The following CD96 variants were observed in gnomAD, a reference collection of about 807,000 sequenced individuals.
CD96 encodes the protein CD96 molecule, also known as T-cell surface protein tactile.
Under a neutral mutation model 71.3 loss-of-function variants are expected in CD96, and 70 were observed. That is an observed-to-expected ratio of 0.98 (90% CI 0.81 to 1.20). The LOEUF (loss-of-function observed/expected upper bound fraction) is 1.20, where lower values mean the gene tolerates loss of function less well. CD96 is among the 50% of genes most tolerant of loss of function. CD96 has a pLI of 0.00. For synonymous variants in CD96, 248 were observed against 233.0 expected (o/e 1.06, Z -0.59); for missense variants, 742 against 677.5 (o/e 1.10, Z -1.06).
intron 13 of CD96, 117 bp downstream of exon 13, chr3:111,647,783 C>A: frequency 1.3e-6 from 1 of 753,760 alleles, no homozygotes; most frequent in Non-Finnish European, 2.2e-6. Context: ...GGAAATAATG[C>A]TCACAGAAGC....
intron 10 of CD96, among the ~76,000 whole-genome samples, chr3:111,632,649 T>C (rs1402190404): frequency 6.6e-6 from 1 of 152,196 alleles, no homozygotes; most frequent in Non-Finnish European, 1.5e-5. Context: ...AATCATTCTA[T>C]TATTCAAGAC....
At chr3:111,601,043 C>T in intron 7 of CD96, 129 bp downstream of exon 7, 1 of 608,014 alleles carries the variant, frequency 1.6e-6, no homozygotes. Flanking sequence ...TAACTCAAAA[C>T]TATTTCAAGT....
At chr3:111,642,872 C>T (rs972506587) in intron 12 of CD96, among the ~76,000 whole-genome samples, 1 of 151,762 alleles carries the variant, frequency 6.6e-6, no homozygotes, top group Non-Finnish European at 1.5e-5. Context: ...GATGGATTAA[C>T]AGCAGAATTC....
At chr3:111,634,978 T>C (rs761598637) in intron 10 of CD96, 12 of 153,028 alleles carry the variant, frequency 7.8e-5, no homozygotes, top group Non-Finnish European at 1.8e-4. Flanking sequence ...ATTAGCCAAA[T>C]TTTCACATTC....
rs969182830 is a variant in CD96 at position 111,598,609 on chromosome 3, G to A, written c.898+399G>A. On this transcript the variant is annotated intron_variant, in intron 6 of 13. Transcript: ENST00000352690. ...CAATATGTTCAATTAACTTAGCACC[G>A]CTGCTTTAAATCAGCCAATAAATAA... 1.1e-4 allele frequency among the ~76,000 whole-genome samples: 16 copies of A among 152,168 alleles called. No individual in the cohort carries two copies. In the East Asian group the frequency reaches 1.5e-3, roughly 15 times the overall value.
intron 8 of CD96, among the ~76,000 whole-genome samples, chr3:111,621,684 C>T (rs921394668): frequency 2.6e-5 from 4 of 152,162 alleles, no homozygotes; most frequent in African/African-American, 7.2e-5. Flanking sequence ...GAAGCACAGC[C>T]GCTCTTAATG....
chr3:111,571,148 C>G, intron 3 of CD96: 1 of 636,500 alleles, frequency 1.6e-6, no homozygotes, highest in Non-Finnish European at 2.9e-6. Context: ...CTACCTGGGT[C>G]CCCCTTTTCC....
Position 111,551,920 on chromosome 3 carries a change from G to A in CD96, c.418+6518G>A, listed in dbSNP as rs568417565. Reference sequence around the variant, plus strand: ...ACTAATTTACACTCCCACCAACAGTGTAAAAGCATTCCTTTTTCTCAGCAA... The same window carrying A: ...ACTAATTTACACTCCCACCAACAGTATAAAAGCATTCCTTTTTCTCAGCAA... On this transcript the variant is annotated intron_variant, in intron 2 of 13. Coordinates refer to ENST00000352690, the MANE Select transcript of CD96 (RefSeq NM_005816.5). Among the ~76,000 whole-genome samples the A allele has an allele frequency of 8.5e-5, 13 of 152,236 alleles. No homozygotes were observed. In the South Asian group the frequency reaches 2.5e-3, roughly 29 times the overall value.
At chr3:111,647,016 G>A (rs2107785428) in intron 12 of CD96, among the ~76,000 whole-genome samples, 1 of 148,642 alleles carries the variant, frequency 6.7e-6, no homozygotes, top group East Asian at 2.0e-4. Context: ...ACTAAACATC[G>A]AGTACATATG....
chr3:111,567,610 C>T lies in CD96; in HGVS notation c.506C>T (p.Ser169Leu), dbSNP rs1935780207. The T allele has an allele frequency of 1.2e-6, 2 of 1,613,006 alleles. No individual in the cohort carries two copies. The highest frequency in any genetic ancestry group is 1.7e-6 in the Non-Finnish European group (2 of 1,179,118). ...ATACCATGCTTTCAAAATAGCTCCT[C>T]AAAAATTTCATCTGAGTTCACCTAT... is the stretch of plus-strand genomic sequence containing the variant. ...LEIPCFQNSS[S>L]KISSEFTYAW... The change falls in exon 3 of 14, where the codon TCA becomes TTA. Residue 169 changes from serine (S) to leucine (L), a missense_variant. Coordinates refer to ENST00000352690, the MANE Select transcript of CD96 (RefSeq NM_005816.5).
chr3:111,624,410 G>T lies in CD96; in HGVS notation c.1321+6G>T. On this transcript the variant is annotated splice_donor_region_variant and intron_variant, in intron 10 of 13. Transcript: ENST00000352690. ...TGGGACAGATACCAAAAAATGTTAA[G>T]TATAATCGTGGGTCCCTTGAGTCCT... 6.4e-7 allele frequency: 1 copy of T among 1,573,336 alleles called. No homozygotes were observed. The highest frequency in any genetic ancestry group is 1.1e-5 in the South Asian group (1 of 90,242).
intron 13 of CD96, among the ~76,000 whole-genome samples, chr3:111,648,806 T>C (rs1390809191): frequency 6.6e-6 from 1 of 152,178 alleles, no homozygotes. Context: ...CATAGAGGTG[T>C]TTGAGTGATG....
chr3:111,555,737 T>A (rs1251696121), intron 2 of CD96, among the ~76,000 whole-genome samples: 1 of 152,300 alleles, frequency 6.6e-6, no homozygotes, highest in Non-Finnish European at 1.5e-5. Context: ...TGTCTCTTTG[T>A]GTTTGTCCTA....
chr3:111,562,585 C>G (rs1935506951), intron 2 of CD96, among the ~76,000 whole-genome samples: 1 of 152,148 alleles, frequency 6.6e-6, no homozygotes, highest in South Asian at 2.1e-4. Context: ...AGAAGTTGCC[C>G]CTGCATTGGC....
chr3:111,590,427 T>G (rs1357394370), intron 5 of CD96, among the ~76,000 whole-genome samples: 1 of 152,226 alleles, frequency 6.6e-6, no homozygotes, highest in Non-Finnish European at 1.5e-5. Flanking sequence ...CAGCCCGCAG[T>G]GTGGAAATAC....
chr3:111,663,674 C>T lies in CD96; in HGVS notation c.*53-1853C>T, dbSNP rs565115820. On this transcript the variant is annotated intron_variant and NMD_transcript_variant, in intron 14 of 14. Transcript: ENST00000494798. The stretch of plus-strand genomic sequence containing the variant: ...AAAATCACAATGAGATACCATCTCC[C>T]GCCAGCCAGAATGGCCATTATTAAA... 1.6e-4 allele frequency among the ~76,000 whole-genome samples: 24 copies of T among 152,072 alleles called. 1 individual carries two copies. Among genetic ancestry groups the T allele is most frequent in the African/African-American group, 4.1e-4 (17 of 41,480 alleles).
rs1272731722 is a variant in CD96 at position 111,638,282 on chromosome 3, C to T, written c.1477+114C>T. 9.1e-6 allele frequency: 7 copies of T among 765,210 alleles called. 1 individual carries two copies. Among genetic ancestry groups the T allele is most frequent in the African/African-American group, 3.4e-5 (2 of 57,988 alleles). The allele number at this position is 765,210 out of a possible 1,614,324, so 47.4% of individuals were successfully genotyped here. On this transcript the variant is annotated intron_variant, in intron 12 of 13. Coordinates refer to ENST00000352690, the MANE Select transcript of CD96 (RefSeq NM_005816.5). ...CCAGTTGTTGGATATACAGTGAACA[C>T]ACTGGCTTTTTGAAGATTATAATCT... is the stretch of plus-strand genomic sequence containing the variant.
chr3:111,593,556 G>A (rs2107627092), intron 5 of CD96: 1 of 1,515,130 alleles, frequency 6.6e-7, no homozygotes, highest in East Asian at 2.3e-5. Context: ...TAAACAAAAT[G>A]GAAGGGATGT....
intron 10 of CD96, among the ~76,000 whole-genome samples, chr3:111,625,820 C>T (rs1018592427): frequency 4.6e-5 from 7 of 151,988 alleles, no homozygotes; most frequent in African/African-American, 1.5e-4. Flanking sequence ...AAAAAGCAAG[C>T]TATAATCTGG....
Sources: allele counts gnomAD v4.1 joint callset (sites outside exome capture counted in the v4.1 genomes callset), GRCh38; gene constraint gnomAD v4.1.1; transcripts MANE v1.5; gene names NCBI Gene and HGNC (gene_info 2026-07-23, HGNC 2026-07-21).